Variants in MSN observed in about 807,000 individuals in gnomAD.
MSN encodes the protein epididymis luminal protein 70.
Under a neutral mutation model 48.0 loss-of-function variants are expected in MSN, and 2 were observed. That is an observed-to-expected ratio of 0.04 (90% CI 0.02 to 0.13). The LOEUF (loss-of-function observed/expected upper bound fraction) is 0.13. MSN is among the 10% of genes least tolerant of loss of function. The pLI, the probability that MSN is intolerant of heterozygous loss-of-function variation, is 1.00. For missense variants in MSN, 267 were observed against 470.1 expected, an observed-to-expected ratio of 0.57 and a Z score of 3.99; for synonymous variants, 146 against 166.9, an observed-to-expected ratio of 0.87 and a Z score of 0.97.
upstream of MSN, among the ~76,000 whole-genome samples, chrX:65,663,707 G>A (rs1398595238): frequency 9.0e-6 from 1 of 111,430 alleles, no homozygotes; most frequent in Non-Finnish European, 1.9e-5. Flanking sequence ...TGAAATCAAT[G>A]TAGGTGCCCA....
intron 1 of MSN, among the ~76,000 whole-genome samples, chrX:65,590,913 G>T (rs2070141847): frequency 9.0e-6 from 1 of 111,336 alleles, no homozygotes; most frequent in African/African-American, 3.3e-5. Flanking sequence ...GTTTGGAACT[G>T]ACCTCTTTGC....
At chrX:65,641,533 A>G (rs1441044945) in intron 1 of MSN, among the ~76,000 whole-genome samples, 3 of 78,147 alleles carry the variant, frequency 3.8e-5, no homozygotes, top group African/African-American at 1.4e-4. Context: ...CGGTCTCAAA[A>G]AAAAAAAAAA....
At chrX:65,726,541 G>A (rs2071569402) in intron 2 of MSN, among the ~76,000 whole-genome samples, 1 of 111,078 alleles carries the variant, frequency 9.0e-6, no homozygotes. Context: ...GTGACTGTGG[G>A]GCCTGACTTT....
intron 1 of MSN, among the ~76,000 whole-genome samples, chrX:65,715,261 C>T (rs1001414331): frequency 1.8e-5 from 2 of 111,538 alleles, no homozygotes; most frequent in Non-Finnish European, 3.8e-5. Context: ...CATGATGCCT[C>T]CAGCTTTGTT....
chrX:65,651,893 C>T (rs1252188243), intron 1 of MSN, among the ~76,000 whole-genome samples: 2 of 108,022 alleles, frequency 1.9e-5, no homozygotes, highest in Non-Finnish European at 3.8e-5. Flanking sequence ...CCACCGCACC[C>T]GGCCTTTCAG....
In MSN at chrX:65,696,869, A is replaced by G. The variant is rs180957709; in HGVS notation, c.13-19949A>G. ...GACCAAAACTAATAAGCTGGATGCC[A>G]TGTGGTCTCTTATCTTATCCTTGCC... On this transcript the variant is annotated intron_variant, in intron 1 of 12. Transcript: ENST00000360270. Among the ~76,000 whole-genome samples, 6 of 111,061 alleles carry G rather than the reference A, an allele frequency of 5.4e-5. No homozygotes were observed. In the South Asian group the frequency reaches 1.6e-3, roughly 29 times the overall value.
intron 1 of MSN, among the ~76,000 whole-genome samples, chrX:65,683,417 A>G (rs1569461962): frequency 5.3e-5 from 3 of 56,116 alleles, no homozygotes; most frequent in African/African-American, 2.0e-4. Context: ...CACCACCACC[A>G]CCACCACCAC....
At chrX:65,667,509 C>G, upstream of MSN, 1 of 479,666 alleles carries the variant, frequency 2.1e-6, no homozygotes, top group Non-Finnish European at 2.6e-6. Context: ...GGGCCCCCCA[C>G]GTGGCCGCTG....
chrX:65,648,039 A>T (rs2070707808), intron 1 of MSN, among the ~76,000 whole-genome samples: 1 of 107,028 alleles, frequency 9.3e-6, no homozygotes, highest in South Asian at 4.4e-4. Flanking sequence ...GGACCAGGGT[A>T]GTGGCAGTGG....
chrX:65,740,029 C>A lies in MSN; in HGVS notation c.*136C>A. The A allele has an allele frequency of 1.4e-6, 1 of 698,072 alleles. No homozygotes were observed. The highest frequency in any genetic ancestry group is 2.1e-6 in the Non-Finnish European group (1 of 486,691). 57.5% of individuals were successfully genotyped at this position (698,072 alleles called of 1,213,427 possible). A position where few individuals can be genotyped will look rare whatever the true frequency, so the allele number is the denominator to read the frequency against. The stretch of plus-strand genomic sequence containing the variant: ...GAGTCATGCCAAGCATTTAATGTAG[C>A]CATGGGACCAAACCTAGCCCCTTAG... On this transcript the variant is annotated 3_prime_UTR_variant, in exon 13 of 13. Coordinates refer to ENST00000360270, the MANE Select transcript of MSN (RefSeq NM_002444.3).
intron 1 of MSN, chrX:65,593,280 T>C (rs2070162750): frequency 9.1e-6 from 1 of 110,496 alleles, no homozygotes; most frequent in Non-Finnish European, 1.9e-5. Context: ...ATCTCAGGTA[T>C]GACTTCAAAT....
intron 1 of MSN, among the ~76,000 whole-genome samples, chrX:65,654,080 G>A (rs191347146): frequency 4.0e-5 from 4 of 99,611 alleles, no homozygotes; most frequent in Admixed American, 3.4e-4. Flanking sequence ...CTGGCTCTAT[G>A]CAATCATTTT....
intron 2 of MSN, among the ~76,000 whole-genome samples, chrX:65,721,871 C>T (rs1387402454): frequency 9.0e-6 from 1 of 111,571 alleles, no homozygotes; most frequent in Non-Finnish European, 1.9e-5. Context: ...TCACTTGAGG[C>T]TAGGAGCTTC....
chrX:65,663,226 C>G (rs1171531416), upstream of MSN, among the ~76,000 whole-genome samples: 1 of 108,580 alleles, frequency 9.2e-6, no homozygotes, highest in Non-Finnish European at 1.9e-5. Context: ...CCATTGCACT[C>G]CAGTCTGGGC....
intron 1 of MSN, among the ~76,000 whole-genome samples, chrX:65,614,047 A>G (rs2070344841): frequency 8.9e-6 from 1 of 111,864 alleles, no homozygotes; most frequent in Non-Finnish European, 1.9e-5. Context: ...TAATCTTTGT[A>G]TAAGGTGTAA....
chrX:65,733,060 T>TTAA, intron 6 of MSN, 124 bp from the exon 7 acceptor site: 1 of 411,411 alleles, frequency 2.4e-6, no homozygotes, highest in Non-Finnish European at 4.0e-6. Flanking sequence ...CTATTTATTT[T>TTAA]AAAAAAAAAA....
Position 65,735,401 on chromosome X carries a change from G to A in MSN, c.930G>A (p.Arg310=), listed in dbSNP as rs1370289196. The change falls in exon 8 of 13, where the codon CGG becomes CGA. Residue 310 remains arginine (R), a synonymous_variant. Transcript: ENST00000360270. ...IEVQQMKAQA[R]EEKHQKQMER... is the part of the protein sequence containing the mutation. ...TGCAGCAGATGAAGGCACAGGCCCGGGAGGAGAAGCACCAGAAGCAGATGG... is the reference window on the plus strand; with the variant it reads ...TGCAGCAGATGAAGGCACAGGCCCGAGAGGAGAAGCACCAGAAGCAGATGG... 8.3e-7 allele frequency: 1 copy of A among 1,208,684 alleles called. No homozygotes were observed. Among genetic ancestry groups the A allele is most frequent in the South Asian group, 1.8e-5 (1 of 56,154 alleles).
chrX:65,696,539 A>C (rs764871124), intron 1 of MSN, among the ~76,000 whole-genome samples: 1 of 110,671 alleles, frequency 9.0e-6, no homozygotes, highest in South Asian at 3.8e-4. Context: ...TGTCTGAAAA[A>C]ACTAGACCAA....
chrX:65,671,771 G>A (rs770885225), intron 1 of MSN, among the ~76,000 whole-genome samples: 1 of 111,977 alleles, frequency 8.9e-6, no homozygotes, highest in East Asian at 2.8e-4. Flanking sequence ...GGGGCAGGAA[G>A]GCCTTTGTGG....
Sources: allele counts gnomAD v4.1 joint callset (sites outside exome capture counted in the v4.1 genomes callset), GRCh38; gene constraint gnomAD v4.1.1; transcripts MANE v1.5; gene names NCBI Gene and HGNC (gene_info 2026-07-23, HGNC 2026-07-21).